The following CLSPN variants were observed in gnomAD, a reference collection of about 807,000 sequenced individuals.
CLSPN encodes claspin homolog.
Under a neutral mutation model 156.3 loss-of-function variants are expected in CLSPN, and 85 were observed. The ratio of observed to expected loss-of-function variants is 0.54; its 90% confidence interval spans 0.46 to 0.65. CLSPN has a LOEUF of 0.65. CLSPN is among the 30% of genes least tolerant of loss of function. CLSPN has a pLI of 0.00. For missense variants in CLSPN, 1,407 were observed against 1,554.9 expected (o/e 0.90, Z 1.60); for synonymous variants, 534 against 542.4 (o/e 0.98, Z 0.22).
At chr1:35,747,383 G>A (rs914267163) in intron 14 of CLSPN, among the ~76,000 whole-genome samples, 1 of 152,046 alleles carries the variant, frequency 6.6e-6, no homozygotes, top group Non-Finnish European at 1.5e-5. Flanking sequence ...AAAAACCTCT[G>A]AATTCATTTC....
At chr1:35,766,889 G>C (rs1207693693) in intron 1 of CLSPN, among the ~76,000 whole-genome samples, 1 of 151,726 alleles carries the variant, frequency 6.6e-6, no homozygotes, top group African/African-American at 2.4e-5. Flanking sequence ...CGAGTAGCTG[G>C]GATTACAGGT....
chr1:35,720,788 G>T, exon 25 of CLSPN: 2 of 757,380 alleles, frequency 2.6e-6, no homozygotes, highest in South Asian at 1.9e-5. Context: ...GTGATCTAGG[G>T]TTATGCAGTT....
chr1:35,739,176 A>G lies in CLSPN; in HGVS notation c.3390T>C (p.Asp1130=). The change falls in exon 20 of 25, where the codon GAT becomes GAC. Residue 1130 remains aspartate, a synonymous_variant. Transcript: ENST00000318121. ...GAAACTTCCTCATTCGCCCAGGACC[A>G]TCGCTGTGCAGATCCCCATCAGCAA... ...RYLADGDLHS[D]GPGRMRKFRW... is the part of the protein sequence containing the mutation. 1 of 1,614,184 alleles carries G rather than the reference A, an allele frequency of 6.2e-7. No individual in the cohort carries two copies. Among genetic ancestry groups the G allele is most frequent in the East Asian group, 2.2e-5 (1 of 44,888 alleles).
In CLSPN at chr1:35,769,894, A is replaced by G. The variant is rs1344854772; in HGVS notation, c.-24T>C. 6.2e-6 allele frequency: 10 copies of G among 1,607,952 alleles called. No homozygotes were observed. Among genetic ancestry groups the G allele is most frequent in the Non-Finnish European group, 8.5e-6 (10 of 1,177,048 alleles). ...ATGACTTCTGCCTCCCCTGCGCTCC[A>G]CTAGGGACGGAGCTGTCTCTGATTC... On this transcript the variant is annotated 5_prime_UTR_variant, in exon 1 of 25. Transcript: ENST00000318121.
At chr1:35,759,821 T>C (rs1346712399) in intron 8 of CLSPN, among the ~76,000 whole-genome samples, 4 of 148,822 alleles carry the variant, frequency 2.7e-5, no homozygotes, top group African/African-American at 9.8e-5. Context: ...ATATTAACTA[T>C]CAACAACCTT....
At chr1:35,720,876 T>A (rs777864145) in exon 25 of CLSPN, 2 of 1,596,922 alleles carry the variant, frequency 1.3e-6, no homozygotes, top group African/African-American at 2.7e-5. Flanking sequence ...CTCTTTGGAC[T>A]CTGTCTCTCC....
chr1:35,720,716 G>A (rs1641055424), exon 25 of CLSPN: 2 of 437,334 alleles, frequency 4.6e-6, no homozygotes, highest in African/African-American at 2.0e-5. Flanking sequence ...AAAGTGCTGG[G>A]ATTACAGGCG....
At chr1:35,752,075 A>C (rs1642106257) in intron 9 of CLSPN, among the ~76,000 whole-genome samples, 1 of 152,194 alleles carries the variant, frequency 6.6e-6, no homozygotes, top group South Asian at 2.1e-4. Flanking sequence ...ATTCTGAAAG[A>C]CAACTGGATG....
At chr1:35,768,546 C>T (rs1367849950) in intron 1 of CLSPN, among the ~76,000 whole-genome samples, 2 of 151,570 alleles carry the variant, frequency 1.3e-5, no homozygotes, top group Non-Finnish European at 2.9e-5. Context: ...TAGCTGGGAC[C>T]GAGTAGCTGG....
chr1:35,727,280 G>A (rs1053289120), downstream of CLSPN, among the ~76,000 whole-genome samples: 6 of 152,204 alleles, frequency 3.9e-5, no homozygotes, highest in Admixed American at 2.6e-4. Context: ...TACAAGACAA[G>A]CCAGTGACAG....
chr1:35,749,554 G>C (rs745857781), intron 11 of CLSPN, 23 bp from the exon 12 acceptor site: 2 of 1,613,922 alleles, frequency 1.2e-6, no homozygotes, highest in South Asian at 1.1e-5. Flanking sequence ...AAAGTAAATT[G>C]GTTCAGTATC....
In CLSPN at chr1:35,736,431, C is replaced by A. The variant is rs1571191214; in HGVS notation, c.*65G>T. ...AGGATCATTGGCTGGAGTGTCAATT[C>A]CAACTTTCAGTGCTAGAAACTTCTC... On this transcript the variant is annotated 3_prime_UTR_variant, in exon 25 of 25. Coordinates refer to ENST00000318121, the MANE Select transcript of CLSPN (RefSeq NM_022111.4). 5.4e-6 allele frequency: 8 copies of A among 1,489,594 alleles called. No individual in the cohort carries two copies. Among genetic ancestry groups the A allele is most frequent in the South Asian group, 1.5e-5 (1 of 67,252 alleles). 92.3% of individuals were successfully genotyped at this position (1,489,594 alleles called of 1,614,324 possible).
At chr1:35,767,516 C>T (rs1165002468) in intron 1 of CLSPN, among the ~76,000 whole-genome samples, 2 of 152,170 alleles carry the variant, frequency 1.3e-5, no homozygotes, top group African/African-American at 4.8e-5. Flanking sequence ...TGAGCACTGA[C>T]ATGATGCCAC....
At chr1:35,765,359 G>T in intron 1 of CLSPN, 33 bp from the exon 2 acceptor site, 6 of 1,457,028 alleles carry the variant, frequency 4.1e-6, no homozygotes, top group Non-Finnish European at 5.8e-6. Flanking sequence ...ATATCAACCA[G>T]CAGGTGACCG....
chr1:35,729,526 A>T (rs1196890762), downstream of CLSPN, among the ~76,000 whole-genome samples: 3 of 152,200 alleles, frequency 2.0e-5, no homozygotes, highest in Non-Finnish European at 4.4e-5. Flanking sequence ...AAGGACGTGG[A>T]TGGTACAGAC....
At chr1:35,751,803 T>C (rs2148620526) in intron 9 of CLSPN, among the ~76,000 whole-genome samples, 1 of 152,198 alleles carries the variant, frequency 6.6e-6, no homozygotes, top group South Asian at 2.1e-4. Flanking sequence ...AGAAAAACAT[T>C]GATAAATTTA....
intron 24 of CLSPN, among the ~76,000 whole-genome samples, chr1:35,722,011 C>T (rs368504092): frequency 1.3e-5 from 2 of 151,436 alleles, no homozygotes; most frequent in Admixed American, 6.6e-5. Context: ...TGGTGGTGCG[C>T]GTCTGTAATC....
In CLSPN at chr1:35,764,147, C is replaced by T. The variant is rs905586733; in HGVS notation, c.582+119G>A. ...CATACCTATTGAGAATAATTCTCAACACAAAATAGTCAATTCAAAGCAATA... is the reference window on the plus strand; with the variant it reads ...CATACCTATTGAGAATAATTCTCAATACAAAATAGTCAATTCAAAGCAATA... On this transcript the variant is annotated intron_variant, in intron 3 of 24. Coordinates refer to ENST00000318121, the MANE Select transcript of CLSPN (RefSeq NM_022111.4). 1.2e-5 allele frequency: 8 copies of T among 673,410 alleles called. No individual in the cohort carries two copies. The East Asian group carries it at 1.6e-4, about 14-fold the overall frequency. The allele number at this position is 673,410 out of a possible 1,614,324, so 41.7% of individuals were successfully genotyped here. A position where few individuals can be genotyped will look rare whatever the true frequency, so the allele number is the denominator to read the frequency against.
intron 6 of CLSPN, among the ~76,000 whole-genome samples, chr1:35,761,644 T>C (rs182556129): frequency 9.2e-5 from 14 of 152,274 alleles, no homozygotes; most frequent in Admixed American, 2.6e-4. Flanking sequence ...AGCGTGATAC[T>C]CTGGACAAAG....
Sources: gnomAD v4.1 joint callset for allele counts (sites outside exome capture counted in the v4.1 genomes callset) on GRCh38, gnomAD v4.1.1 for gene constraint, MANE v1.5 for transcripts, NCBI Gene and HGNC (gene_info 2026-07-23, HGNC 2026-07-21) for gene names.